The following SCML2 variants were observed in gnomAD, a reference collection of about 807,000 sequenced individuals.
The protein encoded by SCML2 is Scm polycomb group protein like 2.
Under a neutral mutation model 48.4 loss-of-function variants are expected in SCML2, and 6 were observed. The observed-to-expected ratio is 0.12, with a 90% CI of 0.07 to 0.24. The LOEUF is 0.24. Ranked by LOEUF, SCML2 falls within the 10% of genes least tolerant of loss-of-function variation. The pLI, the probability that SCML2 is intolerant of heterozygous loss-of-function variation, is 1.00. For synonymous variants in SCML2, 181 were observed against 189.5 expected (o/e 0.95, Z 0.37); for missense variants, 377 against 528.2 (o/e 0.71, Z 2.81).
At chrX:18,337,219 T>C (rs1929849322) in intron 1 of SCML2, among the ~76,000 whole-genome samples, 1 of 101,348 alleles carries the variant, frequency 9.9e-6, no homozygotes, top group African/African-American at 3.7e-5. Context: ...GAAGAATCAC[T>C]TGAACATGGG....
intron 13 of SCML2, among the ~76,000 whole-genome samples, chrX:18,245,867 G>A (rs748025701): frequency 8.9e-6 from 1 of 111,778 alleles, no homozygotes; most frequent in South Asian, 3.8e-4. Context: ...GGGCTCCCAA[G>A]TAGCTGGGAT....
chrX:18,307,495 G>T (rs766701466), intron 6 of SCML2, among the ~76,000 whole-genome samples: 2 of 111,714 alleles, frequency 1.8e-5, no homozygotes, highest in African/African-American at 6.5e-5. Flanking sequence ...GTTTGTGCTA[G>T]ATGCTCACAG....
At chrX:18,298,019 GAGA>G (rs1216004880) in intron 7 of SCML2, among the ~76,000 whole-genome samples, 3 of 109,722 alleles carry the variant, frequency 2.7e-5, no homozygotes, top group Non-Finnish European at 3.8e-5. Context: ...AAAAAAAAGA[GAGA>G]AGAAGAAGAA....
intron 11 of SCML2, among the ~76,000 whole-genome samples, chrX:18,255,696 TGAA>T (rs1304315905): frequency 8.9e-6 from 1 of 112,143 alleles, no homozygotes; most frequent in Non-Finnish European, 1.9e-5. Context: ...ACAAGCTTTA[TGAA>T]GAAGGGTGAG....
chrX:18,348,265 G>A (rs1297194818), intron 1 of SCML2, among the ~76,000 whole-genome samples: 2 of 111,655 alleles, frequency 1.8e-5, no homozygotes, highest in Non-Finnish European at 3.8e-5. Flanking sequence ...GCAACTTTTT[G>A]ACAAAAGAAC....
intron 7 of SCML2, among the ~76,000 whole-genome samples, chrX:18,304,102 C>T (rs1330331050): frequency 1.8e-5 from 2 of 111,512 alleles, no homozygotes; most frequent in Non-Finnish European, 3.8e-5. Context: ...TGCAGTGGCG[C>T]GATCTCAGCT....
Position 18,260,202 on chromosome X carries a change from A to G in SCML2, c.1038T>C (p.Ala346=). The change falls in exon 9 of 15, where the codon GCT becomes GCC. Residue 346 remains alanine (A), a synonymous_variant. Coordinates refer to ENST00000251900, the MANE Select transcript of SCML2 (RefSeq NM_006089.3). ...ACATCACTATTTTACATGGCCCAGA[A>G]GCGACATCTTTATATAACATGCCAC... The part of the protein sequence containing the change: ...RDRGMLYKDV[A]SGPCKIVMST... 1 of 1,202,104 alleles carries G rather than the reference A, an allele frequency of 8.3e-7. No individual in the cohort carries two copies.
At chrX:18,263,038 T>A (rs1282872247) in intron 8 of SCML2, among the ~76,000 whole-genome samples, 1 of 111,665 alleles carries the variant, frequency 9.0e-6, no homozygotes, top group African/African-American at 3.3e-5. Flanking sequence ...TTGTTAACAG[T>A]TTATATTCCT....
intron 7 of SCML2, among the ~76,000 whole-genome samples, chrX:18,292,852 C>T (rs186232421): frequency 9.0e-6 from 1 of 111,288 alleles, no homozygotes; most frequent in African/African-American, 3.2e-5. Flanking sequence ...AGGGGACTTA[C>T]TTTTTTCACT....
chrX:18,275,201 G>A (rs1295380541), intron 7 of SCML2, among the ~76,000 whole-genome samples: 1 of 112,395 alleles, frequency 8.9e-6, no homozygotes, highest in African/African-American at 3.2e-5. Flanking sequence ...TGGGGGCTGT[G>A]TCACATGCCA....
At chrX:18,341,375 T>C in intron 1 of SCML2, 1 of 286,152 alleles carries the variant, frequency 3.5e-6, no homozygotes, top group Non-Finnish European at 6.8e-6. Flanking sequence ...ACCCCTGTCA[T>C]CTTCGAGACC....
At chrX:18,300,707 A>G (rs970265399) in intron 7 of SCML2, among the ~76,000 whole-genome samples, 12 of 107,287 alleles carry the variant, frequency 1.1e-4, no homozygotes, top group Admixed American at 1.0e-3. Flanking sequence ...AGGAAAATCA[A>G]TTGAACCCAG....
rs542089776 is a variant in SCML2, at chrX:18,285,040, CA to C, written c.731-19239del. Among the ~76,000 whole-genome samples, 411 of 53,916 alleles carry C rather than the reference CA, an allele frequency of 7.6e-3. 1 individual carries two copies. Among genetic ancestry groups the C allele is most frequent in the Middle Eastern group, 0.011 (1 of 89 alleles). The allele number at this position is 53,916 out of a possible 115,157, so 46.8% of individuals were successfully genotyped here. Reference sequence around the variant, plus strand: ...GGGCAACAAGAGCGCAACTCCGCCTCAAAAAAAAAAAAAAAAACAGATGTTG... The same window carrying C: ...GGGCAACAAGAGCGCAACTCCGCCTCAAAAAAAAAAAAAAAACAGATGTTG... On this transcript the variant is annotated intron_variant, in intron 7 of 14. Coordinates refer to ENST00000251900, the MANE Select transcript of SCML2 (RefSeq NM_006089.3).
At chrX:18,244,999 C>CA (rs776737468) in intron 13 of SCML2, among the ~76,000 whole-genome samples, 3 of 111,620 alleles carry the variant, frequency 2.7e-5, no homozygotes, top group Non-Finnish European at 5.6e-5. Context: ...ACCCTGGAGT[C>CA]AGAGTGTTTG....
chrX:18,301,400 G>GA lies in SCML2; in HGVS notation c.730+3571dup, dbSNP rs370579964. On this transcript the variant is annotated intron_variant, in intron 7 of 14. Coordinates refer to ENST00000251900, the MANE Select transcript of SCML2 (RefSeq NM_006089.3). ...GTGACAGAGCGAGACTCCGTCTCAGGAAAAAAAAAAATCAAAAAAGAAAAA... is the reference window on the plus strand; with the variant it reads ...GTGACAGAGCGAGACTCCGTCTCAGGAAAAAAAAAAAATCAAAAAAGAAAAA... Among the ~76,000 whole-genome samples the GA allele has an allele frequency of 9.7e-3, 989 of 101,439 alleles. 14 individuals are homozygous for GA. Among genetic ancestry groups the GA allele is most frequent in the African/African-American group, 0.033 (923 of 27,912 alleles). 88.1% of individuals were successfully genotyped at this position (101,439 alleles called of 115,157 possible). A position where few individuals can be genotyped will look rare whatever the true frequency, so the allele number is the denominator to read the frequency against.
intron 7 of SCML2, among the ~76,000 whole-genome samples, chrX:18,286,528 C>T (rs1373855275): frequency 9.0e-6 from 1 of 111,292 alleles, no homozygotes; most frequent in African/African-American, 3.3e-5. Context: ...GAAACTGACT[C>T]AGCAGAACAT....
intron 11 of SCML2, among the ~76,000 whole-genome samples, chrX:18,252,742 T>C (rs1926708357): frequency 8.9e-6 from 1 of 111,943 alleles, no homozygotes; most frequent in Admixed American, 9.4e-5. Context: ...GGCACTACAG[T>C]GAAAATAGAA....
chrX:18,340,867 G>A (rs1207079467), intron 1 of SCML2, among the ~76,000 whole-genome samples: 2 of 108,094 alleles, frequency 1.9e-5, no homozygotes, highest in East Asian at 5.7e-4. Flanking sequence ...TAAGGCAGAT[G>A]AAAATCTATT....
At chrX:18,242,336 T>C in intron 14 of SCML2, 103 bp downstream of exon 14, 2 of 882,700 alleles carry the variant, frequency 2.3e-6, no homozygotes, top group Non-Finnish European at 3.1e-6. Context: ...AAAAATCAGT[T>C]GATAGGGTTC....
Sources: gnomAD v4.1 joint callset for allele counts (sites outside exome capture counted in the v4.1 genomes callset) on GRCh38, gnomAD v4.1.1 for gene constraint, MANE v1.5 for transcripts, NCBI Gene and HGNC (gene_info 2026-07-23, HGNC 2026-07-21) for gene names.